Variants in AP1B1 observed in about 807,000 individuals in gnomAD.
AP1B1 encodes adaptor related protein complex 1 subunit beta 1.
In AP1B1, 36 loss-of-function variants were observed where a neutral mutation model predicts 104.3. The observed-to-expected ratio is 0.35, with a 90% CI of 0.26 to 0.46. AP1B1 has a LOEUF of 0.46. AP1B1 is among the 20% of genes least tolerant of loss of function. The probability of loss-of-function intolerance (pLI) is 1.00; values close to 1 mark genes in which losing one functional copy is unlikely to be tolerated. For synonymous variants in AP1B1, 504 were observed against 517.5 expected, an observed-to-expected ratio of 0.97 and a Z score of 0.35; for missense variants, 901 against 1,247.9, an observed-to-expected ratio of 0.72 and a Z score of 4.19.
chr22:29,351,697 CA>C lies in AP1B1; in HGVS notation c.1059+7del. 5.0e-6 allele frequency: 8 copies of C among 1,613,634 alleles called. No individual in the cohort carries two copies. The highest frequency in any genetic ancestry group is 6.8e-6 in the Non-Finnish European group (8 of 1,179,894). On this transcript the variant is annotated splice_region_variant and intron_variant, in intron 8 of 22. Transcript: ENST00000357586. ...GAGCCCGTGTCCTGACCATCACACG[CA>C]GCTGACCTGGGCGATGTTGGCCTGA...
intron 1 of AP1B1, among the ~76,000 whole-genome samples, chr22:29,377,794 G>A (rs920314926): frequency 6.7e-6 from 1 of 149,776 alleles, no homozygotes; most frequent in Non-Finnish European, 1.5e-5. Context: ...CTGGGTGACA[G>A]TGCGAGACTC....
chr22:29,336,470 T>TA (rs761424531), intron 16 of AP1B1, among the ~76,000 whole-genome samples: 2 of 152,218 alleles, frequency 1.3e-5, no homozygotes, highest in Non-Finnish European at 2.9e-5. Context: ...TACACTCATC[T>TA]GACCCTTCAC....
intron 5 of AP1B1, among the ~76,000 whole-genome samples, chr22:29,356,948 C>G (rs570690620): frequency 6.6e-6 from 1 of 152,346 alleles, no homozygotes; most frequent in Non-Finnish European, 1.5e-5. Context: ...AGCTGTGCTT[C>G]TCAGAGCTAG....
intron 1 of AP1B1, among the ~76,000 whole-genome samples, chr22:29,374,443 C>T (rs1291438411): frequency 6.6e-6 from 1 of 152,100 alleles, no homozygotes; most frequent in Non-Finnish European, 1.5e-5. Flanking sequence ...GCAGACAAGG[C>T]CTATTTTCCT....
intron 1 of AP1B1, among the ~76,000 whole-genome samples, chr22:29,369,226 C>A (rs1318600778): frequency 6.6e-6 from 1 of 152,128 alleles, no homozygotes; most frequent in African/African-American, 2.4e-5. Context: ...CAACACAGCA[C>A]CTCCTCTCCA....
intron 9 of AP1B1, among the ~76,000 whole-genome samples, chr22:29,350,476 C>T (rs150090520): frequency 1.7e-3 from 266 of 152,298 alleles, no homozygotes; most frequent in African/African-American, 6.2e-3. Flanking sequence ...TCTCTTTTTA[C>T]TTGTTTCAGA....
At chr22:29,378,552 CAAAAAAA>C (rs145933767) in intron 1 of AP1B1, among the ~76,000 whole-genome samples, 5 of 48,484 alleles carry the variant, frequency 1.0e-4, no homozygotes, top group Non-Finnish European at 1.9e-4. Flanking sequence ...AACTCCGTAT[CAAAAAAA>C]AAAAAAAAAA....
intron 15 of AP1B1, among the ~76,000 whole-genome samples, chr22:29,339,398 A>G (rs1338354241): frequency 1.3e-5 from 2 of 152,106 alleles, no homozygotes; most frequent in African/African-American, 2.4e-5. Context: ...CGCTCAGCCT[A>G]TGGATAAAAG....
At chr22:29,353,550 C>A (rs974611552) in intron 7 of AP1B1, among the ~76,000 whole-genome samples, 1 of 152,220 alleles carries the variant, frequency 6.6e-6, no homozygotes, top group East Asian at 1.9e-4. Flanking sequence ...AAGACCCACA[C>A]TGCAACCAGG....
chr22:29,383,554 G>C (rs1410404038), intron 1 of AP1B1, among the ~76,000 whole-genome samples: 1 of 151,924 alleles, frequency 6.6e-6, no homozygotes, highest in East Asian at 1.9e-4. Flanking sequence ...ATTAAAAATA[G>C]AAAAATTAGC....
Position 29,358,844 on chromosome 22 carries a change from T to A in AP1B1, c.407A>T (p.Tyr136Phe). 6.2e-7 allele frequency: 1 copy of A among 1,614,200 alleles called. No individual in the cohort carries two copies. The part of the protein sequence containing the change: ...LRKCLKDEDP[Y>F]VRKTAAVCVA... The stretch of plus-strand genomic sequence containing the variant: ...GCACACAGCTGCTGTCTTGCGCACA[T>A]ATGGATCCTCGTCCTTCAGGCACTT... The change falls in exon 5 of 23, where the codon TAT becomes TTT. Residue 136 changes from tyrosine to phenylalanine, a missense_variant. Around this residue, in one of 3 missense-constraint regions of AP1B1, gnomAD observed 471 missense variants for 696.7 expected, o/e 0.68. Transcript: ENST00000357586.
At chr22:29,368,995 T>C (rs1402224127) in intron 1 of AP1B1, among the ~76,000 whole-genome samples, 1 of 151,734 alleles carries the variant, frequency 6.6e-6, no homozygotes, top group African/African-American at 2.4e-5. Context: ...CTACCTGTAG[T>C]TTTATGTGGT....
rs527871164 is a variant in AP1B1, at chr22:29,361,052, A to G, written c.144-1093T>C. On this transcript the variant is annotated intron_variant, in intron 3 of 22. Coordinates refer to ENST00000357586, the MANE Select transcript of AP1B1 (RefSeq NM_001127.4). ...GAGGCCGACTCGCTCTTTGGGGCTT[A>G]TCATATCAGCAAAGCCAGCTCTTTT... 7.6e-3 allele frequency among the ~76,000 whole-genome samples: 1,150 copies of G among 152,272 alleles called. 7 individuals are homozygous for G. The highest frequency in any genetic ancestry group is 0.013 in the Non-Finnish European group (909 of 68,036).
rs764213357 is a variant in AP1B1 at position 29,330,431 on chromosome 22, C to G, written c.2713G>C (p.Gly905Arg). The G allele has an allele frequency of 5.0e-6, 8 of 1,613,744 alleles. No homozygotes were observed. The East Asian group carries it at 1.8e-4, about 36-fold the overall frequency. Reference sequence around the variant, plus strand: ...CGCAGCTCCGCCAGCACCCAGATGCCGTTGGTCAGCTTCAGGGACTGGTAG... The same window carrying G: ...CGCAGCTCCGCCAGCACCCAGATGCGGTTGGTCAGCTTCAGGGACTGGTAG... ...MLYQSLKLTN[G>R]IWVLAELRIQ... is the part of the protein sequence containing the mutation. The change falls in exon 21 of 23, where the codon GGC becomes CGC. Residue 905 changes from glycine to arginine, a missense_variant. Gly to Arg is a moderately radical substitution (Grantham distance 125). This residue lies in a region of AP1B1 where 424 missense variants were observed against 494.0 expected (regional missense o/e 0.86). Transcript: ENST00000357586.
At chr22:29,358,225 G>T (rs2061990067) in intron 5 of AP1B1, among the ~76,000 whole-genome samples, 1 of 152,190 alleles carries the variant, frequency 6.6e-6, no homozygotes. Flanking sequence ...TCCACATCCA[G>T]CTACATCCTG....
chr22:29,336,436 T>C (rs1469934602), intron 16 of AP1B1, among the ~76,000 whole-genome samples: 3 of 152,110 alleles, frequency 2.0e-5, no homozygotes, highest in African/African-American at 7.2e-5. Flanking sequence ...CCCTCCCCTC[T>C]CCTTTCCAGC....
chr22:29,375,085 T>G (rs1211364523), intron 1 of AP1B1, among the ~76,000 whole-genome samples: 1 of 152,144 alleles, frequency 6.6e-6, no homozygotes, highest in Non-Finnish European at 1.5e-5. Context: ...GCGCGGTGGC[T>G]CATGCCTGTG....
chr22:29,336,123 G>A (rs957891336), intron 16 of AP1B1, among the ~76,000 whole-genome samples: 4 of 152,210 alleles, frequency 2.6e-5, no homozygotes, highest in African/African-American at 7.2e-5. Flanking sequence ...GTCACCACCA[G>A]CAGACTCAAA....
rs1300786213 is a variant in AP1B1 at position 29,330,686 on chromosome 22, A to G, written c.2548T>C (p.Trp850Arg). ...KMDRQMFLAT[W>R]KDIPNENEAQ... ...TCATTCTCATTGGGAATATCCTTCC[A>G]TGTGGCCAGGAACATCTGCCGGTCT... The change falls in exon 20 of 23, where the codon TGG becomes CGG. Residue 850 changes from tryptophan to arginine, a missense_variant. Coordinates refer to ENST00000357586, the MANE Select transcript of AP1B1 (RefSeq NM_001127.4). The G allele has an allele frequency of 1.2e-6, 2 of 1,613,504 alleles. No individual in the cohort carries two copies.
Sources: gnomAD v4.1 joint callset for allele counts (sites outside exome capture counted in the v4.1 genomes callset) on GRCh38, gnomAD v4.1.1 for gene constraint, gnomAD v4.1.1 regional missense constraint, MANE v1.5 for transcripts, NCBI Gene and HGNC (gene_info 2026-07-23, HGNC 2026-07-21) for gene names.